COMMD4: variants seen among roughly 807,000 people sequenced by gnomAD.
COMMD4 encodes COMM domain-containing protein 4.
COMMD4 carries 18 observed loss-of-function variants against 27.5 expected under a neutral mutation model. The ratio of observed to expected loss-of-function variants is 0.65; its 90% confidence interval spans 0.45 to 0.97. The LOEUF is 0.97. Among genes scored for constraint, COMMD4 ranks in the 50% least tolerant of loss-of-function variants. The pLI is 0.00. For missense variants in COMMD4, 243 were observed against 250.0 expected, an observed-to-expected ratio of 0.97 and a Z score of 0.19; for synonymous variants, 108 against 108.4, an observed-to-expected ratio of 1.00 and a Z score of 0.02.
downstream of COMMD4, chr15:75,341,685 C>T (rs2071429458): frequency 6.6e-6 from 1 of 152,102 alleles, no homozygotes; most frequent in Non-Finnish European, 1.5e-5. Flanking sequence ...AACTGATCAT[C>T]ACAGATCTGT....
chr15:75,339,366 G>A, intron 6 of COMMD4, 22 bp downstream of exon 6: 1 of 1,608,038 alleles, frequency 6.2e-7, no homozygotes, highest in Middle Eastern at 2.3e-4. Flanking sequence ...GCCAGCCAGG[G>A]TCCGGGCTCA....
Position 75,337,699 on chromosome 15 carries a change from G to C in COMMD4, c.4-363G>C, listed in dbSNP as rs187015678. The C allele has an allele frequency of 8.1e-3, 2,160 of 267,976 alleles. 54 individuals carry two copies. In the East Asian group the frequency reaches 0.089, roughly 11 times the overall value. The allele number at this position is 267,976 out of a possible 1,614,324, so 16.6% of individuals were successfully genotyped here. A position where few individuals can be genotyped will look rare whatever the true frequency, so the allele number is the denominator to read the frequency against. ...CAGCAGGGAAGCTGGAGTGGCTGGAGTTGTGTGGGTATGGGGAAGAGGGGA... is the reference window on the plus strand; with the variant it reads ...CAGCAGGGAAGCTGGAGTGGCTGGACTTGTGTGGGTATGGGGAAGAGGGGA... On this transcript the variant is annotated intron_variant, in intron 1 of 7. Transcript: ENST00000267935.
chr15:75,338,437 G>T lies in COMMD4; in HGVS notation c.141+17G>T, dbSNP rs745649789. 6.2e-7 allele frequency: 1 copy of T among 1,606,724 alleles called. No homozygotes were observed. Among genetic ancestry groups the T allele is most frequent in the South Asian group, 1.1e-5 (1 of 89,986 alleles). On this transcript the variant is annotated intron_variant, in intron 3 of 7. Transcript: ENST00000267935. ...GGGATTGATGTGAGTACAAGATCCA[G>T]CACCCCATTGTCCCATGACCTTATG...
At chr15:75,338,541 T>A (rs745714489) in intron 3 of COMMD4, 105 bp from the exon 4 acceptor site, 42 of 1,571,078 alleles carry the variant, frequency 2.7e-5, no homozygotes, top group South Asian at 2.2e-4. Context: ...GGCACCTCCC[T>A]TCCTTCTTTC....
chr15:75,339,187 T>C, intron 5 of COMMD4, 77 bp from the exon 6 acceptor site: 4 of 1,612,016 alleles, frequency 2.5e-6, no homozygotes, highest in Non-Finnish European at 3.4e-6. Context: ...CCCTGAGGTG[T>C]ACCTGCCCTG....
At chr15:75,336,215 G>C in intron 1 of COMMD4, 123 bp downstream of exon 1, 1 of 1,545,288 alleles carries the variant, frequency 6.5e-7, no homozygotes, top group Non-Finnish European at 8.7e-7. Context: ...GTGCGGGCGT[G>C]AGGGCTGTGA....
Position 75,339,127 on chromosome 15 carries a change from T to A in COMMD4, c.301+23T>A, listed in dbSNP as rs747316541. On this transcript the variant is annotated intron_variant, in intron 5 of 7. Transcript: ENST00000267935. ...AAGGTACGGGTTGTGGGTGGGCAGC[T>A]GGGCAGCCTGTGGGCCAAGGGCTGC... 1.1e-5 allele frequency: 18 copies of A among 1,612,654 alleles called. No homozygotes were observed. The East Asian group carries it at 4.0e-4, about 36-fold the overall frequency.
downstream of COMMD4, chr15:75,342,492 A>G (rs2071436003): frequency 6.6e-6 from 1 of 152,104 alleles, no homozygotes; most frequent in Admixed American, 6.6e-5. Flanking sequence ...GAACCATGAT[A>G]GTGCCCCTGC....
chr15:75,336,122 G>A, intron 1 of COMMD4, 30 bp downstream of exon 1: 1 of 1,549,812 alleles, frequency 6.5e-7, no homozygotes, highest in Non-Finnish European at 8.7e-7. Context: ...GCGAGGCTTG[G>A]GCTGCTGGAG....
intron 2 of COMMD4, 47 bp from the exon 3 acceptor site, chr15:75,338,308 A>G: frequency 6.6e-7 from 1 of 1,503,970 alleles, no homozygotes; most frequent in Non-Finnish European, 9.1e-7. Context: ...CCCAGGAAGG[A>G]GGGGTGAGGT....
downstream of COMMD4, chr15:75,340,954 T>A (rs1008136492): frequency 5.3e-5 from 8 of 152,188 alleles, no homozygotes; most frequent in African/African-American, 1.9e-4. Context: ...GCCACTGCCA[T>A]CATCTTTAGG....
intron 3 of COMMD4, 112 bp from the exon 4 acceptor site, chr15:75,338,534 A>G: frequency 6.4e-7 from 1 of 1,567,386 alleles, no homozygotes; most frequent in Non-Finnish European, 8.7e-7. Flanking sequence ...CTCTCTGGGC[A>G]CCTCCCTTCC....
downstream of COMMD4, chr15:75,342,335 G>T (rs926152265): frequency 6.6e-6 from 1 of 152,254 alleles, no homozygotes; most frequent in East Asian, 1.9e-4. Context: ...AAGCCCAGGA[G>T]TTCGAGACCA....
At position 75,337,816 on chromosome 15, in the gene COMMD4, G is replaced by A. The variant is rs1304003931; in HGVS notation, c.4-246G>A. 3.9e-4 allele frequency: 219 copies of A among 559,810 alleles called. No homozygotes were observed. The East Asian group carries it at 5.9e-3, about 15-fold the overall frequency. The allele number at this position is 559,810 out of a possible 1,614,324, so 34.7% of individuals were successfully genotyped here. A position where few individuals can be genotyped will look rare whatever the true frequency, so the allele number is the denominator to read the frequency against. On this transcript the variant is annotated intron_variant, in intron 1 of 7. Coordinates refer to ENST00000267935, the MANE Select transcript of COMMD4 (RefSeq NM_017828.5). ...GAGTGGGAGCTAGCACAGAGAAGGT[G>A]CTTAATTGATGTTTGCTGAGCAGAT...
chr15:75,336,504 A>G (rs1458543070), intron 1 of COMMD4: 4 of 411,538 alleles, frequency 9.7e-6, no homozygotes, highest in Non-Finnish European at 1.7e-5. Context: ...ACTCTTCCAC[A>G]CTGTTAGGAA....
chr15:75,341,657 C>A (rs767632879), downstream of COMMD4: 20 of 152,074 alleles, frequency 1.3e-4, no homozygotes, highest in Non-Finnish European at 2.1e-4. Flanking sequence ...GACCCCATGG[C>A]CCAGTCAGGT....
rs765728300 is a variant in COMMD4, at chr15:75,338,696, C to T, written c.181+11C>T. ...CTGACGCCAAGTTTGGTGAGTATCC[C>T]GCTGAGTCTATAGGCCCCAGGCAAC... On this transcript the variant is annotated intron_variant, in intron 4 of 7. Coordinates refer to ENST00000267935, the MANE Select transcript of COMMD4 (RefSeq NM_017828.5). 13 of 1,612,944 alleles carry T rather than the reference C, an allele frequency of 8.1e-6. No individual in the cohort carries two copies. Among genetic ancestry groups the T allele is most frequent in the East Asian group, 4.5e-5 (2 of 44,802 alleles).
rs2071345212 is a variant in COMMD4 at position 75,339,094 on chromosome 15, G to A, written c.291G>A (p.Gly97=). The change falls in exon 5 of 8, where the codon GGG becomes GGA. Residue 97 remains glycine, a synonymous_variant. Transcript: ENST00000267935. ...TGTCCAGTGAACTGCAGCAGCTGGGGCTGCCCAAAGGTACGGGTTGTGGGT... is the reference window on the plus strand; with the variant it reads ...TGTCCAGTGAACTGCAGCAGCTGGGACTGCCCAAAGGTACGGGTTGTGGGT... ...ESLSSELQQL[G]LPKEHAASLC... The A allele has an allele frequency of 4.3e-6, 7 of 1,613,454 alleles. No individual in the cohort carries two copies. Among genetic ancestry groups the A allele is most frequent in the Non-Finnish European group, 5.1e-6 (6 of 1,179,996 alleles).
At chr15:75,338,901 G>A (rs750644153) in intron 4 of COMMD4, 84 bp from the exon 5 acceptor site, 14 of 1,609,928 alleles carry the variant, frequency 8.7e-6, no homozygotes, top group Admixed American at 6.7e-5. Flanking sequence ...GGAGGCCTGG[G>A]GGCTTTGAGC....
Sources: allele counts gnomAD v4.1 joint callset, GRCh38; gene constraint gnomAD v4.1.1; transcripts MANE v1.5; gene names NCBI Gene and HGNC (gene_info 2026-07-23, HGNC 2026-07-21).